The following MAPK9 variants were observed in gnomAD, a reference collection of about 807,000 sequenced individuals.
MAPK9 encodes the protein mitogen-activated protein kinase 9, also known as Jun kinase.
Under a neutral mutation model 57.1 loss-of-function variants are expected in MAPK9, and 30 were observed. The ratio of observed to expected loss-of-function variants is 0.53; its 90% confidence interval spans 0.39 to 0.71. The LOEUF (loss-of-function observed/expected upper bound fraction) is 0.71. MAPK9 is among the 30% of genes least tolerant of loss of function. MAPK9 has a pLI of 0.00. For synonymous variants in MAPK9, 155 were observed against 177.0 expected (o/e 0.88, Z 0.99); for missense variants, 362 against 521.0 (o/e 0.69, Z 2.97).
chr5:180,241,950 C>T (rs1757704177), intron 8 of MAPK9, among the ~76,000 whole-genome samples: 1 of 152,204 alleles, frequency 6.6e-6, no homozygotes, highest in Non-Finnish European at 1.5e-5. Flanking sequence ...ACAGATGCTT[C>T]TGGCTGGCCT....
intron 7 of MAPK9, among the ~76,000 whole-genome samples, chr5:180,245,136 G>A (rs1757982895): frequency 6.6e-6 from 1 of 152,194 alleles, no homozygotes; most frequent in Admixed American, 6.5e-5. Flanking sequence ...AGGCTTCAAG[G>A]CTACCGACAG....
chr5:180,286,484 CG>C (rs1280311580), intron 1 of MAPK9, among the ~76,000 whole-genome samples: 1 of 151,874 alleles, frequency 6.6e-6, no homozygotes, highest in East Asian at 2.0e-4. Flanking sequence ...GGTATAACAA[CG>C]TAATCTTTCT....
At chr5:180,238,608 C>CTTTTTTTTTTTTTT (rs746336177) in intron 10 of MAPK9, among the ~76,000 whole-genome samples, 7 of 85,162 alleles carry the variant, frequency 8.2e-5, no homozygotes, top group African/African-American at 2.1e-4. Flanking sequence ...TCTTCTTCTT[C>CTTTTTTTTTTTTTT]TTTTTTTTTT....
chr5:180,238,311 T>C (rs1757351098), intron 11 of MAPK9, 21 bp downstream of exon 11: 3 of 1,579,300 alleles, frequency 1.9e-6, no homozygotes, highest in African/African-American at 1.4e-5. Flanking sequence ...TATCATACAA[T>C]CAATTAAAGC....
At chr5:180,257,853 T>C (rs1759462072) in intron 5 of MAPK9, 2 of 180,148 alleles carry the variant, frequency 1.1e-5, no homozygotes. Flanking sequence ...CTGATGTAAA[T>C]TCATGTGAAT....
At chr5:180,290,170 T>C (rs1182891326) in intron 1 of MAPK9, among the ~76,000 whole-genome samples, 3 of 152,200 alleles carry the variant, frequency 2.0e-5, no homozygotes. Flanking sequence ...AATTCCACCT[T>C]CTTCTAGAAA....
At position 180,235,614 on chromosome 5, in the gene MAPK9, A is replaced by ACTT. The variant is rs1757119820; in HGVS notation, c.*769_*770insAAG. 1.3e-5 allele frequency: 2 copies of ACTT among 152,230 alleles called. No individual in the cohort carries two copies. The highest frequency in any genetic ancestry group is 3.8e-4 in the East Asian group (2 of 5,196). The allele number at this position is 152,230 out of a possible 1,614,324, so 9.4% of individuals were successfully genotyped here. On this transcript the variant is annotated 3_prime_UTR_variant, in exon 12 of 12. Transcript: ENST00000452135. ...TAGAAGACCAAGAAGAAAAGAGATA[A>ACTT]GGTAGCTAGGATTTCAAGCAGCACT...
chr5:180,269,445 A>G (rs902400134), intron 2 of MAPK9, 36 bp from the exon 3 acceptor site: 2 of 1,596,752 alleles, frequency 1.3e-6, no homozygotes, highest in Non-Finnish European at 1.7e-6. Context: ...ATCCATTAGA[A>G]CGGTTTTGGA....
At chr5:180,267,921 G>T (rs1408598554) in intron 3 of MAPK9, among the ~76,000 whole-genome samples, 8 of 151,964 alleles carry the variant, frequency 5.3e-5, no homozygotes, top group Non-Finnish European at 2.9e-5. Context: ...GGAGTGCAGT[G>T]GTGCTATCTC....
At chr5:180,239,190 T>A (rs1362003656) in intron 10 of MAPK9, among the ~76,000 whole-genome samples, 1 of 152,228 alleles carries the variant, frequency 6.6e-6, no homozygotes, top group Non-Finnish European at 1.5e-5. Context: ...TCAACTTTCA[T>A]CTGTAAGAAA....
At chr5:180,241,723 G>A (rs1047195838) in intron 8 of MAPK9, among the ~76,000 whole-genome samples, 4 of 152,248 alleles carry the variant, frequency 2.6e-5, no homozygotes, top group Middle Eastern at 3.2e-3. Flanking sequence ...GGGTGGTGGG[G>A]AAGAGCACCA....
intron 2 of MAPK9, among the ~76,000 whole-genome samples, chr5:180,279,126 T>C (rs931350634): frequency 1.8e-4 from 28 of 151,894 alleles, no homozygotes; most frequent in African/African-American, 6.5e-4. Flanking sequence ...CCTGGCTAAT[T>C]TCTGTATTTT....
chr5:180,268,587 G>A (rs1760919252), intron 3 of MAPK9, among the ~76,000 whole-genome samples: 1 of 152,242 alleles, frequency 6.6e-6, no homozygotes. Context: ...CAGCACTTTG[G>A]GAGGCTGAGG....
At chr5:180,263,647 G>T (rs139763487) in intron 4 of MAPK9, among the ~76,000 whole-genome samples, 1 of 151,456 alleles carries the variant, frequency 6.6e-6, no homozygotes, top group Admixed American at 6.6e-5. Flanking sequence ...TGTCCTGAGC[G>T]CTGTCTGTTC....
At chr5:180,286,153 T>C (rs1294949800) in intron 1 of MAPK9, among the ~76,000 whole-genome samples, 2 of 141,416 alleles carry the variant, frequency 1.4e-5, no homozygotes, top group East Asian at 5.3e-4. Flanking sequence ...CTTTTCTTTT[T>C]TTTTTTTTTT....
intron 7 of MAPK9, among the ~76,000 whole-genome samples, chr5:180,245,113 C>T (rs1399938696): frequency 1.3e-5 from 2 of 152,220 alleles, no homozygotes; most frequent in African/African-American, 2.4e-5. Flanking sequence ...TGCAAGTGCT[C>T]GCTACCAGTC....
At chr5:180,277,796 T>A (rs1761958289) in intron 2 of MAPK9, among the ~76,000 whole-genome samples, 1 of 152,268 alleles carries the variant, frequency 6.6e-6, no homozygotes, top group Admixed American at 6.5e-5. Context: ...AAGCTTTTTT[T>A]TCTTTTTTGA....
chr5:180,252,652 C>T (rs566881604), intron 5 of MAPK9, among the ~76,000 whole-genome samples: 6 of 152,290 alleles, frequency 3.9e-5, no homozygotes, highest in African/African-American at 9.6e-5. Context: ...ACCTGCCAAG[C>T]GCCTCCGCTC....
At chr5:180,289,466 T>C (rs1426251769) in intron 1 of MAPK9, among the ~76,000 whole-genome samples, 1 of 152,142 alleles carries the variant, frequency 6.6e-6, no homozygotes, top group East Asian at 1.9e-4. Context: ...TGGTCATTCT[T>C]CCAGAACAAG....
Sources: allele counts gnomAD v4.1 joint callset (sites outside exome capture counted in the v4.1 genomes callset), GRCh38; gene constraint gnomAD v4.1.1; transcripts MANE v1.5; gene names NCBI Gene and HGNC (gene_info 2026-07-23, HGNC 2026-07-21).